Variants in SYT9 observed in about 807,000 individuals in gnomAD.
The protein encoded by SYT9 is synaptotagmin-9.
In SYT9, 22 loss-of-function variants were observed where a neutral mutation model predicts 48.4. That is an observed-to-expected ratio of 0.45 (90% CI 0.32 to 0.65). SYT9 has a LOEUF of 0.65. Ranked by LOEUF, SYT9 falls within the 30% of genes least tolerant of loss-of-function variation. The probability of loss-of-function intolerance (pLI) is 0.03; values close to 1 mark genes in which losing one functional copy is unlikely to be tolerated. For synonymous variants in SYT9, 265 were observed against 245.0 expected (o/e 1.08, Z -0.76); for missense variants, 577 against 622.0 (o/e 0.93, Z 0.77).
At chr11:7,274,096 A>G (rs1481700440) in intron 1 of SYT9, among the ~76,000 whole-genome samples, 1 of 152,164 alleles carries the variant, frequency 6.6e-6, no homozygotes, top group Admixed American at 6.5e-5. Flanking sequence ...GTTTATATTT[A>G]TTTCTGGCTT....
intron 1 of SYT9, among the ~76,000 whole-genome samples, chr11:7,239,389 C>A (rs1471829782): frequency 6.6e-6 from 1 of 152,074 alleles, no homozygotes; most frequent in South Asian, 2.1e-4. Flanking sequence ...CAGTGAGGCA[C>A]CTTATTCAGT....
chr11:7,250,448 G>GCCC (rs1360759775), upstream of SYT9, among the ~76,000 whole-genome samples: 5 of 69,350 alleles, frequency 7.2e-5, no homozygotes, highest in Non-Finnish European at 8.9e-5. Flanking sequence ...TGTCCCCCCC[G>GCCC]CCACCCCCCC....
At chr11:7,423,300 G>A (rs1847389602) in intron 6 of SYT9, among the ~76,000 whole-genome samples, 1 of 152,224 alleles carries the variant, frequency 6.6e-6, no homozygotes, top group Non-Finnish European at 1.5e-5. Flanking sequence ...GCAGAATTGG[G>A]GCAATGGTAC....
chr11:7,241,286 T>C (rs1847737999), intron 1 of SYT9, among the ~76,000 whole-genome samples: 1 of 150,984 alleles, frequency 6.6e-6, no homozygotes, highest in Admixed American at 6.6e-5. Context: ...GAGATCTATA[T>C]GAAAAGGAGT....
intron 3 of SYT9, among the ~76,000 whole-genome samples, chr11:7,386,788 C>T (rs1444337124): frequency 6.6e-6 from 1 of 152,154 alleles, no homozygotes; most frequent in Non-Finnish European, 1.5e-5. Context: ...CCCAGCAATC[C>T]CATTACTGGG....
chr11:7,303,155 C>G lies in SYT9; in HGVS notation c.262C>G (p.Pro88Ala). The stretch of plus-strand genomic sequence containing the variant: ...GGTTCCGTGGCGAGAACGAGGCCTG[C>G]CCTCTGGTAGCAAAGACAACAACCA... ...CWVPWRERGL[P>A]SGSKDNNQEP... Residue 88 changes from proline (P) to alanine (A), a missense_variant, in exon 2 of 7, where the codon CCC (proline) becomes GCC (alanine). By Grantham distance (27) the Pro-to-Ala change is conservative. Transcript: ENST00000318881. The G allele has an allele frequency of 6.2e-7, 1 of 1,614,162 alleles. No homozygotes were observed. The highest frequency in any genetic ancestry group is 1.3e-5 in the African/African-American group (1 of 75,010).
At chr11:7,406,535 C>CGCATAT (rs1847015062) in intron 3 of SYT9, among the ~76,000 whole-genome samples, 1 of 135,340 alleles carries the variant, frequency 7.4e-6, no homozygotes, top group African/African-American at 2.8e-5. Context: ...TTCAATTGCG[C>CGCATAT]ATATATATAT....
chr11:7,419,062 C>T (rs544572818), intron 5 of SYT9, among the ~76,000 whole-genome samples: 14 of 152,354 alleles, frequency 9.2e-5, no homozygotes, highest in Admixed American at 7.8e-4. Flanking sequence ...CCAAGGAGCA[C>T]GTGGGTTGGC....
intron 3 of SYT9, among the ~76,000 whole-genome samples, chr11:7,395,122 C>T (rs923307461): frequency 6.6e-6 from 1 of 151,964 alleles, no homozygotes; most frequent in Non-Finnish European, 1.5e-5. Flanking sequence ...ATCACCCGAG[C>T]GGTATATACT....
At chr11:7,354,100 C>G (rs912294187) in intron 3 of SYT9, among the ~76,000 whole-genome samples, 7 of 152,160 alleles carry the variant, frequency 4.6e-5, no homozygotes, top group African/African-American at 1.7e-4. Context: ...AAAGAGGGTA[C>G]CTGTGTCCAT....
intron 1 of SYT9, among the ~76,000 whole-genome samples, chr11:7,281,263 A>G (rs960479706): frequency 2.0e-5 from 3 of 152,236 alleles, no homozygotes; most frequent in Non-Finnish European, 4.4e-5. Context: ...AGGAATTCCT[A>G]AACAGATGAG....
intron 3 of SYT9, among the ~76,000 whole-genome samples, chr11:7,369,326 G>GT (rs746312090): frequency 0.028 from 3,756 of 133,100 alleles, 107 homozygotes; most frequent in African/African-American, 0.076. Flanking sequence ...GGTGTTGTTT[G>GT]TTTTTTTTTT....
At chr11:7,315,216 G>A (rs1273230677) in intron 3 of SYT9, among the ~76,000 whole-genome samples, 2 of 152,216 alleles carry the variant, frequency 1.3e-5, no homozygotes, top group Non-Finnish European at 2.9e-5. Flanking sequence ...ACTGGGGAAG[G>A]AATAGGTCTC....
At chr11:7,345,549 G>C (rs923288182) in intron 3 of SYT9, among the ~76,000 whole-genome samples, 1 of 152,206 alleles carries the variant, frequency 6.6e-6, no homozygotes, top group African/African-American at 2.4e-5. Flanking sequence ...AACTCCAGAT[G>C]TTGGTATTTA....
At chr11:7,276,736 A>G (rs1258205059) in intron 1 of SYT9, among the ~76,000 whole-genome samples, 1 of 152,008 alleles carries the variant, frequency 6.6e-6, no homozygotes, top group Non-Finnish European at 1.5e-5. Context: ...TTTCCTTAGC[A>G]CTGTACCTAT....
At chr11:7,440,114 C>A (rs1386276609) in intron 6 of SYT9, 1 of 152,274 alleles carries the variant, frequency 6.6e-6, no homozygotes, top group Non-Finnish European at 1.5e-5. Context: ...TCCCGTACAA[C>A]CTGAAGACTC....
At chr11:7,301,453 AG>A (rs1321657232) in intron 1 of SYT9, among the ~76,000 whole-genome samples, 1 of 152,226 alleles carries the variant, frequency 6.6e-6, no homozygotes, top group Non-Finnish European at 1.5e-5. Context: ...GACTTGCAGG[AG>A]GGGTTCCCAT....
chr11:7,387,259 G>A (rs1046608364), intron 3 of SYT9, among the ~76,000 whole-genome samples: 9 of 151,956 alleles, frequency 5.9e-5, no homozygotes, highest in African/African-American at 1.9e-4. Context: ...GTATGCATAT[G>A]TAACTAACCT....
At chr11:7,422,295 C>T (rs892807472) in intron 6 of SYT9, among the ~76,000 whole-genome samples, 7 of 152,164 alleles carry the variant, frequency 4.6e-5, no homozygotes, top group African/African-American at 1.2e-4. Context: ...GGATTCTAAC[C>T]ATCAGGGCAC....
Sources: allele counts gnomAD v4.1 joint callset (sites outside exome capture counted in the v4.1 genomes callset), GRCh38; gene constraint gnomAD v4.1.1; transcripts MANE v1.5; gene names NCBI Gene and HGNC (gene_info 2026-07-23, HGNC 2026-07-21).